ARFGEF2: variants seen among roughly 807,000 people sequenced by gnomAD.
The protein encoded by ARFGEF2 is ARF guanine nucleotide exchange factor 2, also known as brefeldin A-inhibited guanine nucleotide-exchange protein 2.
A neutral mutation model predicts 219.9 loss-of-function variants in ARFGEF2; 74 were observed. The ratio of observed to expected loss-of-function variants is 0.34; its 90% confidence interval spans 0.28 to 0.41. The LOEUF is 0.41. Ranked by LOEUF, ARFGEF2 falls within the 10% of genes least tolerant of loss-of-function variation. ARFGEF2 has a pLI of 1.00. For synonymous variants in ARFGEF2, 733 were observed against 799.2 expected, an observed-to-expected ratio of 0.92 and a Z score of 1.40; for missense variants, 1,743 against 2,218.3, an observed-to-expected ratio of 0.79 and a Z score of 4.30.
At chr20:48,999,436 T>C (rs946308356) in intron 25 of ARFGEF2, among the ~76,000 whole-genome samples, 2 of 151,596 alleles carry the variant, frequency 1.3e-5, no homozygotes, top group Non-Finnish European at 2.9e-5. Context: ...GCCAAAAAAC[T>C]GGGAACAAAG....
intron 35 of ARFGEF2, among the ~76,000 whole-genome samples, chr20:49,023,898 T>C (rs2091584646): frequency 6.6e-6 from 1 of 152,156 alleles, no homozygotes; most frequent in East Asian, 1.9e-4. Context: ...GATCCCAGTT[T>C]TTCCTTCAAG....
intron 25 of ARFGEF2, among the ~76,000 whole-genome samples, chr20:49,004,499 A>T (rs966435511): frequency 6.6e-6 from 1 of 152,010 alleles, no homozygotes; most frequent in Non-Finnish European, 1.5e-5. Context: ...CAAAAGAAAA[A>T]AAAAAGAAAA....
intron 4 of ARFGEF2, 53 bp from the exon 5 acceptor site, chr20:48,952,652 G>A: frequency 6.4e-7 from 1 of 1,561,980 alleles, no homozygotes; most frequent in Non-Finnish European, 8.8e-7. Flanking sequence ...CCATAGGAGG[G>A]CAGGAAGGTG....
chr20:48,999,886 G>A (rs2091414758), intron 25 of ARFGEF2, among the ~76,000 whole-genome samples: 1 of 152,066 alleles, frequency 6.6e-6, no homozygotes, highest in African/African-American at 2.4e-5. Flanking sequence ...AAACCTGGTG[G>A]TGAAGAGTTA....
At chr20:48,948,313 A>T (rs984272496) in intron 3 of ARFGEF2, among the ~76,000 whole-genome samples, 1 of 152,136 alleles carries the variant, frequency 6.6e-6, no homozygotes, top group East Asian at 1.9e-4. Context: ...ATATCTCTCC[A>T]TGTGGATCTA....
At chr20:48,996,620 A>T (rs6012576) in intron 23 of ARFGEF2, among the ~76,000 whole-genome samples, 70,187 of 150,790 alleles carry the variant, frequency 0.47, 17,780 homozygotes, top group African/African-American at 0.67. Flanking sequence ...GACGCATGCC[A>T]GTAATCCCAG....
At chr20:48,940,767 T>C (rs1421282331) in intron 1 of ARFGEF2, among the ~76,000 whole-genome samples, 5 of 152,008 alleles carry the variant, frequency 3.3e-5, no homozygotes, top group Non-Finnish European at 5.9e-5. Flanking sequence ...ACGTTTTTGG[T>C]TTTCAAGATG....
intron 25 of ARFGEF2, among the ~76,000 whole-genome samples, chr20:49,002,289 AT>A (rs1568731372): frequency 6.6e-6 from 1 of 152,144 alleles, no homozygotes; most frequent in African/African-American, 2.4e-5. Context: ...CATCTTAACA[AT>A]TTTAAGTGTG....
At chr20:48,956,030 C>T (rs1012161315) in intron 6 of ARFGEF2, among the ~76,000 whole-genome samples, 6 of 152,178 alleles carry the variant, frequency 3.9e-5, no homozygotes, top group Non-Finnish European at 7.4e-5. Context: ...AAAGAAAGAA[C>T]AGGTCCTTCA....
intron 8 of ARFGEF2, among the ~76,000 whole-genome samples, chr20:48,966,730 T>A (rs868541963): frequency 6.6e-6 from 1 of 152,230 alleles, no homozygotes; most frequent in African/African-American, 2.4e-5. Context: ...CCAAGAAAAC[T>A]TTGTAGACAT....
intron 33 of ARFGEF2, among the ~76,000 whole-genome samples, chr20:49,018,295 C>T (rs1003437822): frequency 2.6e-5 from 4 of 152,046 alleles, no homozygotes; most frequent in South Asian, 2.1e-4. Context: ...TGCAGCAGTG[C>T]GATCTCGGCT....
In ARFGEF2 at chr20:49,000,391, C is replaced by T. The variant is rs187923739; in HGVS notation, c.3432+1886C>T. Among the ~76,000 whole-genome samples the T allele has an allele frequency of 7.9e-5, 12 of 152,272 alleles. No homozygotes were observed. The East Asian group carries it at 1.9e-3, about 25-fold the overall frequency. On this transcript the variant is annotated intron_variant, in intron 25 of 38. Transcript: ENST00000371917. The stretch of plus-strand genomic sequence containing the variant: ...ACTGATGGGAAAGGATCAAGCATGT[C>T]ATATATCAGGGTTATTGAGAAAACA...
chr20:48,994,565 T>C lies in ARFGEF2; in HGVS notation c.3088T>C (p.Leu1030=), dbSNP rs1244186676. The C allele has an allele frequency of 1.9e-6, 3 of 1,613,944 alleles. No homozygotes were observed. Among genetic ancestry groups the C allele is most frequent in the South Asian group, 1.1e-5 (1 of 91,088 alleles). ...AGAAGGGAGCCTGAAGGGCCACACA[T>C]TGGCAGGAGAAGAGTTCATGGGCCT... ...EREGSLKGHT[L]AGEEFMGLGL... is the part of the protein sequence containing the mutation. Residue 1030 remains leucine (L), a synonymous_variant, in exon 22 of 39, where the codon TTG becomes CTG. Coordinates refer to ENST00000371917, the MANE Select transcript of ARFGEF2 (RefSeq NM_006420.3).
intron 1 of ARFGEF2, among the ~76,000 whole-genome samples, chr20:48,924,197 C>G (rs774283098): frequency 1.3e-5 from 2 of 152,158 alleles, no homozygotes; most frequent in Non-Finnish European, 1.5e-5. Context: ...AGTCTTGTGT[C>G]CAGTAGTCCC....
chr20:48,922,021 C>A lies in ARFGEF2; in HGVS notation c.121+11C>A. On this transcript the variant is annotated intron_variant, in intron 1 of 38. Coordinates refer to ENST00000371917, the MANE Select transcript of ARFGEF2 (RefSeq NM_006420.3). ...GCCAGGTGGCGCTCGGTGGGTGAGCCGCTCCCGCCCTGCCCCGCGCTGGCC... is the reference window on the plus strand; with the variant it reads ...GCCAGGTGGCGCTCGGTGGGTGAGCAGCTCCCGCCCTGCCCCGCGCTGGCC... 1.3e-6 allele frequency: 2 copies of A among 1,572,872 alleles called. No individual in the cohort carries two copies. The highest frequency in any genetic ancestry group is 1.7e-6 in the Non-Finnish European group (2 of 1,159,952).
At chr20:49,011,829 G>GTA in intron 27 of ARFGEF2, 95 bp from the exon 28 acceptor site, 1 of 1,246,614 alleles carries the variant, frequency 8.0e-7, no homozygotes, top group Non-Finnish European at 1.2e-6. Flanking sequence ...TATCTCTGAT[G>GTA]TATGTGTGTG....
intron 1 of ARFGEF2, among the ~76,000 whole-genome samples, chr20:48,922,432 T>C (rs2090848704): frequency 1.3e-5 from 2 of 152,218 alleles, no homozygotes; most frequent in African/African-American, 4.8e-5. Context: ...AAACCCCTGA[T>C]TCTTGTTTTG....
chr20:49,031,220 C>CTT lies in ARFGEF2; in HGVS notation c.5064-801_5064-800dup, dbSNP rs869105434. Among the ~76,000 whole-genome samples the CTT allele has an allele frequency of 3.3e-3, 199 of 59,410 alleles. 21 individuals carry two copies. Among genetic ancestry groups the CTT allele is most frequent in the African/African-American group, 7.3e-3 (92 of 12,568 alleles). The allele number at this position is 59,410 out of a possible 152,430, so 39.0% of individuals were successfully genotyped here. ...CTCACAACAACCCCTTGAGTTTGGA[C>CTT]TTTTTTTTTTTTTTTTTTTTTTTTT... On this transcript the variant is annotated intron_variant, in intron 37 of 38. Transcript: ENST00000371917.
intron 6 of ARFGEF2, among the ~76,000 whole-genome samples, chr20:48,956,444 G>C (rs138137919): frequency 1.3e-5 from 2 of 152,210 alleles, no homozygotes; most frequent in African/African-American, 4.8e-5. Flanking sequence ...CGGGCCACTT[G>C]AGGCCAGGAG....
Sources: allele counts gnomAD v4.1 joint callset (sites outside exome capture counted in the v4.1 genomes callset), GRCh38; gene constraint gnomAD v4.1.1; transcripts MANE v1.5; gene names NCBI Gene and HGNC (gene_info 2026-07-23, HGNC 2026-07-21).